The following THTPA variants were observed in gnomAD, a reference collection of about 807,000 sequenced individuals.
The protein encoded by THTPA is thiamine triphosphatase.
In THTPA, 16 loss-of-function variants were observed where a neutral mutation model predicts 16.5. The ratio of observed to expected loss-of-function variants is 0.97; its 90% CI spans 0.66 to 1.47. The LOEUF is 1.47. Ranked by LOEUF, THTPA falls within the 40% of genes most tolerant of loss-of-function variation. The pLI is 0.00. For synonymous variants in THTPA, 110 were observed against 115.5 expected (o/e 0.95, Z 0.30); for missense variants, 281 against 280.9 (o/e 1.00, Z 0.00).
the THTPA span, chr14:23,522,518 A>T: frequency 2.6e-6 from 4 of 1,530,372 alleles, no homozygotes; most frequent in Admixed American, 5.9e-5. Context: ...GGTCTGAGGT[A>T]TCATGGGGTT....
chr14:23,533,163 G>T, the THTPA span: 1 of 1,450,426 alleles, frequency 6.9e-7, no homozygotes, highest in South Asian at 1.4e-5. The surrounding 1 kb of genome is among the most constrained non-coding windows in gnomAD (Gnocchi z 4.8). Context: ...GTGGGTTAAT[G>T]AGTAGGATAG....
chr14:23,540,198 C>G, the THTPA span, among the ~76,000 whole-genome samples: 8 of 152,168 alleles, frequency 5.3e-5, no homozygotes, highest in Non-Finnish European at 8.8e-5. Flanking sequence ...GCCATGTTGC[C>G]CAGGCTGGTC....
At chr14:23,522,225 G>T in the THTPA span, 15 of 1,478,406 alleles carry the variant, frequency 1.0e-5, no homozygotes, top group Non-Finnish European at 1.3e-5. Context: ...CGCAATGGGG[G>T]TGGCATGGAG....
the THTPA span, among the ~76,000 whole-genome samples, chr14:23,520,197 C>G: frequency 1.3e-5 from 2 of 152,140 alleles, no homozygotes; most frequent in African/African-American, 4.8e-5. The surrounding 1 kb of genome is among the most constrained non-coding windows in gnomAD (Gnocchi z 8.7). Flanking sequence ...CCCATCCCCT[C>G]AATTCGTGTC....
chr14:23,524,368 C>T, the THTPA span: 2 of 1,536,238 alleles, frequency 1.3e-6, no homozygotes, highest in South Asian at 1.2e-5. This position sits in a 1 kb window ranked among gnomAD's most constrained non-coding sequence, Gnocchi z 5.6. Flanking sequence ...TGCGCAGGCG[C>T]TTGTCCCTGG....
chr14:23,516,119 T>C, the THTPA span, among the ~76,000 whole-genome samples: 2 of 152,168 alleles, frequency 1.3e-5, no homozygotes, highest in Admixed American at 1.3e-4. Context: ...TCAGTGGTTC[T>C]CAAACTTCAG....
Position 23,558,759 on chromosome 14 carries a change from A to G in THTPA, c.612A>G (p.Gln204=). 3 of 1,614,240 alleles carry G rather than the reference A, an allele frequency of 1.9e-6. No individual in the cohort carries two copies. Among genetic ancestry groups the G allele is most frequent in the Non-Finnish European group, 1.7e-6 (2 of 1,180,038 alleles). The change falls in exon 2 of 2, where the codon CAA becomes CAG. Residue 204 remains glutamine (Q), a synonymous_variant. Transcript: ENST00000288014. ...LIVYLQRFRP[Q]DYQRLLEVNS... Reference sequence around the variant, plus strand: ...TGTATCTACAGCGTTTCCGGCCTCAAGACTATCAGCGCCTGCTAGAAGTGA... The same window carrying G: ...TGTATCTACAGCGTTTCCGGCCTCAGGACTATCAGCGCCTGCTAGAAGTGA...
At chr14:23,558,506 T>G (rs1470330111) in intron 1 of THTPA, among the ~76,000 whole-genome samples, 189 bp from the exon 2 acceptor site, 1 of 152,148 alleles carries the variant, frequency 6.6e-6, no homozygotes, top group Non-Finnish European at 1.5e-5. Flanking sequence ...CTGAAGTTGC[T>G]CTTTTAGGTC....
chr14:23,553,243 T>C (rs1453290214), upstream of THTPA, among the ~76,000 whole-genome samples: 1 of 152,244 alleles, frequency 6.6e-6, no homozygotes, highest in African/African-American at 2.4e-5. Flanking sequence ...GTTTATACTA[T>C]GTGACAGTTT....
At position 23,560,199 on chromosome 14, in the gene THTPA, A is replaced by G; in HGVS notation, c.*1359A>G. 6.3e-7 allele frequency: 1 copy of G among 1,588,934 alleles called. No homozygotes were observed. The highest frequency in any genetic ancestry group is 8.6e-7 in the Non-Finnish European group (1 of 1,162,040). ...TGTCTCCCACCCACCTCCTCCACTT[A>G]GTGGCCTTTTCTCCTGGAGTCCCCA... On this transcript the variant is annotated 3_prime_UTR_variant, in exon 2 of 2. Coordinates refer to ENST00000288014, the MANE Select transcript of THTPA (RefSeq NM_024328.6).
the THTPA span, chr14:23,535,329 A>G: frequency 1.4e-6 from 2 of 1,451,432 alleles, no homozygotes; most frequent in Non-Finnish European, 1.8e-6. The surrounding 1 kb of genome is among the most constrained non-coding windows in gnomAD (Gnocchi z 4.5). Context: ...TGGCCATGGT[A>G]GACGGAGGAG....
At chr14:23,518,738 T>G in the THTPA span, among the ~76,000 whole-genome samples, 1 of 152,204 alleles carries the variant, frequency 6.6e-6, no homozygotes, top group Non-Finnish European at 1.5e-5. This position sits in a 1 kb window ranked among gnomAD's most constrained non-coding sequence, Gnocchi z 4.5. Flanking sequence ...ATAGGTGTTA[T>G]TGTGCCAAAT....
Position 23,558,783 on chromosome 14 carries a change from G to T in THTPA, c.636G>T (p.Val212=), listed in dbSNP as rs781420209. 1 of 1,614,186 alleles carries T rather than the reference G, an allele frequency of 6.2e-7. No homozygotes were observed. The highest frequency in any genetic ancestry group is 8.5e-7 in the Non-Finnish European group (1 of 1,180,032). Residue 212 remains valine, a synonymous_variant, in exon 2 of 2, where the codon GTG becomes GTT. Coordinates refer to ENST00000288014, the MANE Select transcript of THTPA (RefSeq NM_024328.6). ...RPQDYQRLLE[V]NSSRERPQET... is the part of the protein sequence containing the mutation. Reference sequence around the variant, plus strand: ...AAGACTATCAGCGCCTGCTAGAAGTGAACAGCTCCAGAGAGAGGCCACAGG... The same window carrying T: ...AAGACTATCAGCGCCTGCTAGAAGTTAACAGCTCCAGAGAGAGGCCACAGG...
the THTPA span, among the ~76,000 whole-genome samples, chr14:23,548,158 T>C: frequency 6.6e-6 from 1 of 152,218 alleles, no homozygotes; most frequent in Non-Finnish European, 1.5e-5. Context: ...GCCCTTCTCC[T>C]TTCACATTCT....
the THTPA span, chr14:23,523,423 C>T: frequency 6.5e-7 from 1 of 1,532,216 alleles, no homozygotes; most frequent in Admixed American, 2.0e-5. This position sits in a 1 kb window ranked among gnomAD's most constrained non-coding sequence, Gnocchi z 4.1. Flanking sequence ...CCTCCTTGAG[C>T]TTGGCCAGGT....
At chr14:23,556,038 C>T (rs1016399637), upstream of THTPA, 7 of 152,338 alleles carry the variant, frequency 4.6e-5, no homozygotes, top group African/African-American at 1.7e-4. Flanking sequence ...GGCATGAGAC[C>T]TGTACCAGCC....
At chr14:23,526,766 G>A in the THTPA span, 1 of 1,530,086 alleles carries the variant, frequency 6.5e-7, no homozygotes, top group Non-Finnish European at 8.7e-7. Context: ...GTTGACCTTG[G>A]CCTCAGTCAT....
At chr14:23,535,328 T>A in the THTPA span, 1 of 1,451,758 alleles carries the variant, frequency 6.9e-7, no homozygotes, top group Middle Eastern at 1.8e-4. This position sits in a 1 kb window ranked among gnomAD's most constrained non-coding sequence, Gnocchi z 4.5. Context: ...GTGGCCATGG[T>A]AGACGGAGGA....
the THTPA span, chr14:23,520,936 C>T: frequency 6.0e-5 from 9 of 150,592 alleles, no homozygotes; most frequent in Non-Finnish European, 1.3e-4. The surrounding 1 kb of genome is among the most constrained non-coding windows in gnomAD (Gnocchi z 8.7). Context: ...CTCTGGTGTC[C>T]GTTTCTCTCT....
Sources: allele counts gnomAD v4.1 joint callset (sites outside exome capture counted in the v4.1 genomes callset), GRCh38; gene constraint gnomAD v4.1.1; non-coding constraint Gnocchi (gnomAD v3.1); transcripts MANE v1.5; gene names NCBI Gene and HGNC (gene_info 2026-07-23, HGNC 2026-07-21).